Variants in MTCL3 observed in about 807,000 individuals in gnomAD.
MTCL3 encodes microtubule cross-linking factor 3.
At chr6:127,494,028 G>A in the MTCL3 span, among the ~76,000 whole-genome samples, 4 of 152,112 alleles carry the variant, frequency 2.6e-5, no homozygotes, top group Non-Finnish European at 4.4e-5. Context: ...AGTCTTTTTT[G>A]GTGTGGGAAT....
chr6:127,515,555 C>G, the MTCL3 span: 2 of 1,470,686 alleles, frequency 1.4e-6, no homozygotes, highest in Non-Finnish European at 8.9e-7. This position sits in a 1 kb window ranked among gnomAD's most constrained non-coding sequence, Gnocchi z 4.3. Context: ...TCCATCTCCT[C>G]TTGCATTTCT....
At chr6:127,515,995 C>T in the MTCL3 span, 1 of 1,599,082 alleles carries the variant, frequency 6.3e-7, no homozygotes, top group Non-Finnish European at 8.5e-7. This position sits in a 1 kb window ranked among gnomAD's most constrained non-coding sequence, Gnocchi z 4.3. Flanking sequence ...GCCGCTGCCG[C>T]CCCTCTGCTG....
the MTCL3 span, among the ~76,000 whole-genome samples, chr6:127,491,366 A>G: frequency 1.3e-5 from 2 of 152,232 alleles, no homozygotes; most frequent in Non-Finnish European, 2.9e-5. Flanking sequence ...ACTTTTGGCA[A>G]CCACCACCCT....
chr6:127,498,904 T>A, the MTCL3 span, among the ~76,000 whole-genome samples: 1 of 152,116 alleles, frequency 6.6e-6, no homozygotes, highest in Non-Finnish European at 1.5e-5. Context: ...AGTGGCTGAT[T>A]GGGGTTAGAG....
the MTCL3 span, chr6:127,515,559 C>G: frequency 2.0e-6 from 3 of 1,470,462 alleles, no homozygotes; most frequent in East Asian, 8.0e-5. The surrounding 1 kb of genome is among the most constrained non-coding windows in gnomAD (Gnocchi z 4.3). Flanking sequence ...TCTCCTCTTG[C>G]ATTTCTTCCT....
At chr6:127,475,650 G>A in the MTCL3 span, 2 of 1,594,660 alleles carry the variant, frequency 1.3e-6, no homozygotes, top group South Asian at 1.1e-5. The surrounding 1 kb of genome is among the most constrained non-coding windows in gnomAD (Gnocchi z 7.3). Flanking sequence ...GAGTGGGCGT[G>A]AGGCAGCGGA....
At chr6:127,483,041 A>G in the MTCL3 span, 4 of 1,431,482 alleles carry the variant, frequency 2.8e-6, no homozygotes, top group East Asian at 9.4e-5. Flanking sequence ...ATTCAATTTT[A>G]TGTTTTTAAG....
chr6:127,507,038 C>G, the MTCL3 span, among the ~76,000 whole-genome samples: 1 of 152,088 alleles, frequency 6.6e-6, no homozygotes, highest in African/African-American at 2.4e-5. Flanking sequence ...AGCCCTTGGA[C>G]CAAGTTAAAC....
the MTCL3 span, among the ~76,000 whole-genome samples, chr6:127,497,321 T>C: frequency 2.0e-5 from 3 of 152,134 alleles, no homozygotes; most frequent in African/African-American, 7.2e-5. Context: ...TTCAAACAAG[T>C]AGGAATTAGG....
the MTCL3 span, among the ~76,000 whole-genome samples, chr6:127,488,450 G>T: frequency 6.6e-6 from 1 of 152,090 alleles, no homozygotes. Flanking sequence ...TCCTAGAATT[G>T]GTCTCTGTTA....
At chr6:127,489,481 G>T in the MTCL3 span, among the ~76,000 whole-genome samples, 1 of 152,246 alleles carries the variant, frequency 6.6e-6, no homozygotes, top group South Asian at 2.1e-4. Context: ...TAAACCAAAA[G>T]CTAGGCCTCT....
chr6:127,490,265 C>T, the MTCL3 span, among the ~76,000 whole-genome samples: 1 of 152,176 alleles, frequency 6.6e-6, no homozygotes, highest in Non-Finnish European at 1.5e-5. Flanking sequence ...CAAAAGATTA[C>T]TGCTCGTTGA....
At chr6:127,487,229 G>A in the MTCL3 span, among the ~76,000 whole-genome samples, 2 of 152,070 alleles carry the variant, frequency 1.3e-5, no homozygotes, top group Admixed American at 6.5e-5. Context: ...CTGTTACTTC[G>A]ACAGAAAAAG....
the MTCL3 span, chr6:127,476,399 T>C: frequency 6.2e-7 from 1 of 1,613,456 alleles, no homozygotes; most frequent in South Asian, 1.1e-5. The surrounding 1 kb of genome is among the most constrained non-coding windows in gnomAD (Gnocchi z 4.4). Context: ...ATCTTGGCCA[T>C]TTTCTTTCTC....
the MTCL3 span, chr6:127,476,340 G>A: frequency 6.2e-7 from 1 of 1,614,186 alleles, no homozygotes; most frequent in Non-Finnish European, 8.5e-7. The surrounding 1 kb of genome is among the most constrained non-coding windows in gnomAD (Gnocchi z 4.4). Context: ...CCCCATAAAA[G>A]GATCTGTACT....
the MTCL3 span, among the ~76,000 whole-genome samples, chr6:127,473,946 C>T: frequency 1.3e-5 from 2 of 152,176 alleles, no homozygotes; most frequent in African/African-American, 2.4e-5. Flanking sequence ...GCCAAAGCAG[C>T]TCAGTCCAAT....
chr6:127,509,938 A>G, the MTCL3 span, among the ~76,000 whole-genome samples: 1 of 152,104 alleles, frequency 6.6e-6, no homozygotes, highest in East Asian at 1.9e-4. Context: ...TATTTCTGAC[A>G]TTTTTCTGAA....
chr6:127,486,088 A>G, the MTCL3 span, among the ~76,000 whole-genome samples: 8 of 152,192 alleles, frequency 5.3e-5, no homozygotes, highest in Admixed American at 2.0e-4. Context: ...CAGCTGAGAA[A>G]TTTAGACTTT....
chr6:127,496,824 T>C, the MTCL3 span, among the ~76,000 whole-genome samples: 1 of 152,208 alleles, frequency 6.6e-6, no homozygotes, highest in Admixed American at 6.5e-5. Flanking sequence ...GGGGTATTAT[T>C]TGGCAATTTA....
Sources: allele counts gnomAD v4.1 joint callset (sites outside exome capture counted in the v4.1 genomes callset), GRCh38; gene constraint gnomAD v4.1.1; non-coding constraint Gnocchi (gnomAD v3.1); transcripts MANE v1.5; gene names NCBI Gene and HGNC (gene_info 2026-07-23, HGNC 2026-07-21).